The following TCF4 variants were observed in gnomAD, a reference collection of about 807,000 sequenced individuals.
The protein encoded by TCF4 is transcription factor 4.
Under a neutral mutation model 82.1 loss-of-function variants are expected in TCF4, and 3 were observed. That is an observed-to-expected ratio of 0.04 (90% CI 0.02 to 0.09). The LOEUF (loss-of-function observed/expected upper bound fraction) is 0.09. Among genes scored for constraint, TCF4 ranks in the 10% least tolerant of loss-of-function variants. The pLI, the probability that TCF4 is intolerant of heterozygous loss-of-function variation, is 1.00. For missense variants in TCF4, 518 were observed against 852.7 expected, an observed-to-expected ratio of 0.61 and a Z score of 4.89; for synonymous variants, 276 against 309.6, an observed-to-expected ratio of 0.89 and a Z score of 1.14.
chr18:55,447,346 T>A (rs1029214485), intron 5 of TCF4, among the ~76,000 whole-genome samples: 3 of 151,484 alleles, frequency 2.0e-5, no homozygotes, highest in African/African-American at 7.3e-5. Context: ...GATGGTGGAG[T>A]ATCCCTGATA....
At chr18:55,334,342 T>C (rs956000484) in intron 8 of TCF4, among the ~76,000 whole-genome samples, 2 of 152,182 alleles carry the variant, frequency 1.3e-5, no homozygotes, top group East Asian at 3.8e-4. Context: ...GTATTTATAA[T>C]TAAGTGTGCA....
chr18:55,432,155 T>C lies in TCF4; in HGVS notation c.305-28637A>G, dbSNP rs964830860. 4.6e-5 allele frequency among the ~76,000 whole-genome samples: 7 copies of C among 151,980 alleles called. No homozygotes were observed. The East Asian group carries it at 9.7e-4, about 21-fold the overall frequency. On this transcript the variant is annotated intron_variant, in intron 5 of 19. Transcript: ENST00000354452. ...TGTCTCTACTAAAATATACAAAAATTAGCTGGGCCTGGTGGCACACGCCTG... is the reference window on the plus strand; with the variant it reads ...TGTCTCTACTAAAATATACAAAAATCAGCTGGGCCTGGTGGCACACGCCTG...
intron 15 of TCF4, among the ~76,000 whole-genome samples, chr18:55,247,275 C>A (rs137967544): frequency 6.6e-6 from 1 of 152,162 alleles, no homozygotes; most frequent in Non-Finnish European, 1.5e-5. Context: ...ATTAGTCACA[C>A]CCATCACATT....
At chr18:55,420,565 C>G (rs997889722) in intron 5 of TCF4, among the ~76,000 whole-genome samples, 1 of 152,056 alleles carries the variant, frequency 6.6e-6, no homozygotes, top group African/African-American at 2.4e-5. Flanking sequence ...CCCAGGATTC[C>G]GGGGGCTAAT....
upstream of TCF4, chr18:55,588,288 G>A (rs2097672475): frequency 1.4e-6 from 2 of 1,445,294 alleles, no homozygotes; most frequent in African/African-American, 1.4e-5. Context: ...ACACGCCGAG[G>A]CGCACGGAAT....
chr18:55,368,526 A>G (rs2087918728), intron 6 of TCF4, among the ~76,000 whole-genome samples: 1 of 152,204 alleles, frequency 6.6e-6, no homozygotes, highest in African/African-American at 2.4e-5. Context: ...ACAAAAAAAC[A>G]AAAAACACAG....
chr18:55,248,126 C>A (rs2053873750), intron 15 of TCF4, among the ~76,000 whole-genome samples: 1 of 152,120 alleles, frequency 6.6e-6, no homozygotes, highest in Non-Finnish European at 1.5e-5. Flanking sequence ...GAATCAAAAC[C>A]TGTGAAAGCC....
intron 8 of TCF4, among the ~76,000 whole-genome samples, chr18:55,310,050 C>T (rs771595469): frequency 2.6e-5 from 4 of 152,090 alleles, no homozygotes; most frequent in Non-Finnish European, 5.9e-5. Flanking sequence ...GTACAGACAA[C>T]GCTGTACAAT....
intron 8 of TCF4, among the ~76,000 whole-genome samples, chr18:55,303,146 A>G (rs1252191807): frequency 1.3e-5 from 2 of 152,018 alleles, no homozygotes; most frequent in African/African-American, 4.8e-5. Flanking sequence ...AACAGACAGA[A>G]AAGAAAGAAA....
chr18:55,525,909 T>G (rs1173824292), intron 3 of TCF4, among the ~76,000 whole-genome samples: 2 of 152,192 alleles, frequency 1.3e-5, no homozygotes, highest in Non-Finnish European at 2.9e-5. Context: ...TGGTAGTCAT[T>G]ATTACTGATA....
intron 8 of TCF4, among the ~76,000 whole-genome samples, chr18:55,322,843 C>G (rs2075947149): frequency 6.6e-6 from 1 of 152,252 alleles, no homozygotes; most frequent in Admixed American, 6.5e-5. Flanking sequence ...GAATATCTTA[C>G]AGCTGTCAGT....
At chr18:55,401,119 A>G in intron 6 of TCF4, 1 of 1,288,930 alleles carries the variant, frequency 7.8e-7, no homozygotes, top group Non-Finnish European at 1.0e-6. Context: ...ACAGGGATTC[A>G]AATAACAATA....
chr18:55,346,096 G>GT (rs1180270458), intron 8 of TCF4, among the ~76,000 whole-genome samples: 1 of 152,034 alleles, frequency 6.6e-6, no homozygotes, highest in Admixed American at 6.6e-5. Flanking sequence ...AAATAGGAAA[G>GT]TTTTTATATA....
At chr18:55,596,649 G>A (rs543052799) in intron 2 of TCF4, among the ~76,000 whole-genome samples, 11 of 152,098 alleles carry the variant, frequency 7.2e-5, no homozygotes, top group Non-Finnish European at 1.6e-4. Context: ...TGCCTGAGAA[G>A]AACACGTTTC....
At chr18:55,244,126 G>A (rs1025784435) in intron 15 of TCF4, among the ~76,000 whole-genome samples, 1 of 152,190 alleles carries the variant, frequency 6.6e-6, no homozygotes, top group Admixed American at 6.5e-5. Flanking sequence ...TCCCAGGGGA[G>A]GAGGCTTACT....
chr18:55,456,455 CA>C (rs931006918), intron 5 of TCF4, among the ~76,000 whole-genome samples: 4 of 152,108 alleles, frequency 2.6e-5, no homozygotes, highest in Admixed American at 6.5e-5. Flanking sequence ...AAGCTGTAGC[CA>C]AATGTACAAA....
At chr18:55,284,053 T>G (rs2063167191) in intron 8 of TCF4, among the ~76,000 whole-genome samples, 1 of 152,198 alleles carries the variant, frequency 6.6e-6, no homozygotes, top group Non-Finnish European at 1.5e-5. Flanking sequence ...GCTATTAACA[T>G]TAGGCTATAC....
chr18:55,508,864 T>C (rs767809224), intron 3 of TCF4, among the ~76,000 whole-genome samples: 5 of 152,204 alleles, frequency 3.3e-5, no homozygotes, highest in Non-Finnish European at 7.3e-5. Flanking sequence ...TGCAAGAAAT[T>C]TGCTTACTTT....
rs762479248 is a variant in TCF4, at chr18:55,254,478, T to A, written c.1350+19A>T. The A allele has an allele frequency of 1.2e-6, 2 of 1,611,120 alleles. No homozygotes were observed. Among genetic ancestry groups the A allele is most frequent in the Non-Finnish European group, 1.7e-6 (2 of 1,177,866 alleles). ...AACTCTATATGATAACTATAGAGTC[T>A]ATAAATTTCATCACTTACCATGAGT... On this transcript the variant is annotated intron_variant, in intron 15 of 19. Transcript: ENST00000354452.
Sources: allele counts gnomAD v4.1 joint callset (sites outside exome capture counted in the v4.1 genomes callset), GRCh38; gene constraint gnomAD v4.1.1; transcripts MANE v1.5; gene names NCBI Gene and HGNC (gene_info 2026-07-23, HGNC 2026-07-21).